Variants in PLEKHM3 observed in about 807,000 individuals in gnomAD.
PLEKHM3 encodes the protein pleckstrin homology domain-containing family M member 3.
Under a neutral mutation model 81.8 loss-of-function variants are expected in PLEKHM3, and 45 were observed. That is an observed-to-expected ratio of 0.55 (90% CI 0.43 to 0.71). PLEKHM3 has a LOEUF of 0.71. Ranked by LOEUF, PLEKHM3 falls within the 30% of genes least tolerant of loss-of-function variation. The pLI, the probability that PLEKHM3 is intolerant of heterozygous loss-of-function variation, is 0.00. For synonymous variants in PLEKHM3, 352 were observed against 356.4 expected (o/e 0.99, Z 0.14); for missense variants, 788 against 924.3 (o/e 0.85, Z 1.91).
At chr2:207,940,738 G>A (rs941008338) in intron 4 of PLEKHM3, among the ~76,000 whole-genome samples, 23 of 152,184 alleles carry the variant, frequency 1.5e-4, no homozygotes. Flanking sequence ...TGCAGTCAAT[G>A]GGGAATGGTG....
intron 3 of PLEKHM3, among the ~76,000 whole-genome samples, chr2:207,971,628 T>C (rs1236935389): frequency 2.6e-5 from 4 of 152,112 alleles, no homozygotes; most frequent in South Asian, 2.1e-4. Flanking sequence ...TAACCTAATA[T>C]AGAATCACAT....
intron 7 of PLEKHM3, among the ~76,000 whole-genome samples, chr2:207,844,677 C>A (rs1246723598): frequency 6.6e-6 from 1 of 152,126 alleles, no homozygotes; most frequent in East Asian, 1.9e-4. Flanking sequence ...AAAATTCTTC[C>A]CATTAAATGT....
chr2:207,989,259 GC>G (rs1479475317), intron 2 of PLEKHM3, among the ~76,000 whole-genome samples: 2 of 152,298 alleles, frequency 1.3e-5, no homozygotes, highest in East Asian at 3.9e-4. Flanking sequence ...GAAAAGATGG[GC>G]CCCAAAGTAT....
At chr2:207,908,479 G>T in intron 6 of PLEKHM3, 35 bp downstream of exon 6, 1 of 1,579,624 alleles carries the variant, frequency 6.3e-7, no homozygotes, top group Non-Finnish European at 8.7e-7. Flanking sequence ...CTCCAGGAAA[G>T]CAACAAAAAT....
chr2:207,985,114 A>C (rs1021120016), intron 2 of PLEKHM3, among the ~76,000 whole-genome samples: 3 of 151,812 alleles, frequency 2.0e-5, no homozygotes, highest in African/African-American at 7.3e-5. Flanking sequence ...CCCCTCACAC[A>C]GTGCTGCCAC....
At chr2:207,916,550 G>T (rs1471304240) in intron 5 of PLEKHM3, among the ~76,000 whole-genome samples, 1 of 152,022 alleles carries the variant, frequency 6.6e-6, no homozygotes, top group Non-Finnish European at 1.5e-5. Flanking sequence ...GACCACTCTG[G>T]CCAACATGGT....
intron 1 of PLEKHM3, among the ~76,000 whole-genome samples, chr2:208,022,292 G>T (rs1481142193): frequency 6.6e-6 from 1 of 152,146 alleles, no homozygotes; most frequent in African/African-American, 2.4e-5. Context: ...TTCTATGGTT[G>T]CATAACAAAT....
chr2:207,836,846 T>C (rs2092321920), intron 7 of PLEKHM3, among the ~76,000 whole-genome samples: 1 of 152,218 alleles, frequency 6.6e-6, no homozygotes, highest in Non-Finnish European at 1.5e-5. Context: ...AATTCAGGCT[T>C]CAGTTTGGTT....
At chr2:207,832,936 ACC>A in intron 7 of PLEKHM3, among the ~76,000 whole-genome samples, 1 of 151,244 alleles carries the variant, frequency 6.6e-6, no homozygotes, top group Non-Finnish European at 1.5e-5. Context: ...ACATGGTGAA[ACC>A]CTGTCTCTAC....
intron 3 of PLEKHM3, among the ~76,000 whole-genome samples, chr2:207,965,037 G>T (rs995230261): frequency 6.6e-6 from 1 of 152,154 alleles, no homozygotes; most frequent in African/African-American, 2.4e-5. Context: ...ACTTAAGTAT[G>T]TTTCTGTCTT....
intron 7 of PLEKHM3, among the ~76,000 whole-genome samples, chr2:207,831,646 CT>C (rs1310712173): frequency 6.6e-6 from 1 of 152,238 alleles, no homozygotes; most frequent in Non-Finnish European, 1.5e-5. Context: ...GACGCCGCCC[CT>C]CACAGGTGAC....
rs748422892 is a variant in PLEKHM3, at chr2:207,828,487, G to A, written c.2118C>T (p.Ser706=). The change falls in exon 8 of 8, where the codon AGC becomes AGT. Residue 706 remains serine (S), a synonymous_variant. Coordinates refer to ENST00000427836, the MANE Select transcript of PLEKHM3 (RefSeq NM_001080475.3). The part of the protein sequence containing the change: ...FEDISTSRCE[S]CGAVFHSECK... ...ATTCAGAATGGAAAACGGCTCCACA[G>A]CTTTCACACCTGCAAAAGTCAACCA... The A allele has an allele frequency of 1.2e-6, 2 of 1,613,746 alleles. No individual in the cohort carries two copies. The highest frequency in any genetic ancestry group is 1.7e-6 in the Non-Finnish European group (2 of 1,179,844).
intron 7 of PLEKHM3, among the ~76,000 whole-genome samples, chr2:207,845,702 G>A (rs1335113980): frequency 6.6e-6 from 1 of 152,058 alleles, no homozygotes; most frequent in South Asian, 2.1e-4. Context: ...AAGAAAATAT[G>A]TTAATAACTA....
chr2:207,950,521 A>G (rs369550420), intron 3 of PLEKHM3, among the ~76,000 whole-genome samples: 108 of 152,304 alleles, frequency 7.1e-4, no homozygotes, highest in African/African-American at 2.5e-3. Flanking sequence ...GACTCTGTAG[A>G]TCTTGGGTAG....
chr2:207,981,561 G>A (rs1022263323), intron 2 of PLEKHM3, among the ~76,000 whole-genome samples: 1 of 152,056 alleles, frequency 6.6e-6, no homozygotes, highest in Non-Finnish European at 1.5e-5. Context: ...TGCCCCAGCT[G>A]GTCTTGAACT....
At chr2:207,977,717 C>T (rs1691369099) in intron 2 of PLEKHM3, 131 bp from the exon 3 acceptor site, 2 of 798,278 alleles carry the variant, frequency 2.5e-6, no homozygotes, top group Non-Finnish European at 1.9e-6. Flanking sequence ...TCAAATTAAA[C>T]AAAATAAAAG....
chr2:207,892,803 G>A (rs970914169), intron 6 of PLEKHM3, among the ~76,000 whole-genome samples: 1 of 152,146 alleles, frequency 6.6e-6, no homozygotes, highest in South Asian at 2.1e-4. Context: ...AACACAGTAG[G>A]GGCCAAGACC....
At chr2:207,880,632 G>A (rs1391351765) in intron 6 of PLEKHM3, among the ~76,000 whole-genome samples, 12 of 144,960 alleles carry the variant, frequency 8.3e-5, no homozygotes, top group African/African-American at 1.0e-4. Context: ...GCGTGTTGGC[G>A]GGCGCCTGTA....
rs1269043070 is a variant in PLEKHM3, at chr2:207,865,802, AGATATAT to A, written c.1951-4547_1951-4541del. Reference sequence around the variant, plus strand: ...GACTCAAAAAAAAAAAAAAAAAAAAAGATATATATATATATATATATATATATATATA... The same window carrying A: ...GACTCAAAAAAAAAAAAAAAAAAAAAATATATATATATATATATATATATA... On this transcript the variant is annotated intron_variant, in intron 6 of 7. Coordinates refer to ENST00000427836, the MANE Select transcript of PLEKHM3 (RefSeq NM_001080475.3). Among the ~76,000 whole-genome samples the A allele has an allele frequency of 5.0e-3, 203 of 40,938 alleles. 12 individuals carry two copies. The highest frequency in any genetic ancestry group is 5.5e-3 in the Non-Finnish European group (138 of 24,942). 26.9% of individuals were successfully genotyped at this position (40,938 alleles called of 152,430 possible). A position where few individuals can be genotyped will look rare whatever the true frequency, so the allele number is the denominator to read the frequency against.
Sources: allele counts gnomAD v4.1 joint callset (sites outside exome capture counted in the v4.1 genomes callset), GRCh38; gene constraint gnomAD v4.1.1; transcripts MANE v1.5; gene names NCBI Gene and HGNC (gene_info 2026-07-23, HGNC 2026-07-21).